EXOC4: variants seen among roughly 807,000 people sequenced by gnomAD.
EXOC4 encodes the protein SEC8-like 1.
A neutral mutation model predicts 107.2 loss-of-function variants in EXOC4; 71 were observed. The ratio of observed to expected loss-of-function variants is 0.66; its 90% CI spans 0.55 to 0.81. The LOEUF is 0.81. Ranked by LOEUF, EXOC4 falls within the 30% of genes least tolerant of loss-of-function variation. The probability of loss-of-function intolerance (pLI) is 0.00; values close to 1 mark genes in which losing one functional copy is unlikely to be tolerated. For missense variants in EXOC4, 1,108 were observed against 1,189.6 expected, an observed-to-expected ratio of 0.93 and a Z score of 1.01; for synonymous variants, 456 against 441.2, an observed-to-expected ratio of 1.03 and a Z score of -0.42.
chr7:133,819,489 G>A (rs2151218748), intron 11 of EXOC4, among the ~76,000 whole-genome samples: 1 of 151,536 alleles, frequency 6.6e-6, no homozygotes, highest in East Asian at 1.9e-4. Context: ...TAACTTACTG[G>A]ATGAATGCAT....
At chr7:133,621,977 G>A (rs78865496) in intron 9 of EXOC4, among the ~76,000 whole-genome samples, 1 of 136,784 alleles carries the variant, frequency 7.3e-6, no homozygotes, top group Non-Finnish European at 1.6e-5. Context: ...CTGTCTGTCT[G>A]TCCATCCATC....
chr7:133,330,857 C>T (rs539653686), intron 5 of EXOC4, among the ~76,000 whole-genome samples: 8 of 152,054 alleles, frequency 5.3e-5, no homozygotes, highest in Non-Finnish European at 1.0e-4. Flanking sequence ...TCTTCTGCGT[C>T]GATCTCACTG....
At chr7:133,464,087 A>G (rs1033680537) in intron 7 of EXOC4, among the ~76,000 whole-genome samples, 10 of 152,202 alleles carry the variant, frequency 6.6e-5, no homozygotes, top group Admixed American at 6.5e-4. Context: ...CCTTATCCTG[A>G]TAGATAATAA....
chr7:133,745,523 T>C (rs1391985241), intron 10 of EXOC4, among the ~76,000 whole-genome samples: 1 of 152,064 alleles, frequency 6.6e-6, no homozygotes. Flanking sequence ...AAAAACTTAT[T>C]AAATTATGTC....
At chr7:133,487,871 A>G (rs930466648) in intron 9 of EXOC4, among the ~76,000 whole-genome samples, 1 of 152,192 alleles carries the variant, frequency 6.6e-6, no homozygotes, top group South Asian at 2.1e-4. Context: ...GGTAAAAATA[A>G]CAGCTTTGCT....
intron 9 of EXOC4, among the ~76,000 whole-genome samples, chr7:133,535,931 C>A (rs1455684917): frequency 6.6e-6 from 1 of 152,216 alleles, no homozygotes; most frequent in Admixed American, 6.5e-5. Flanking sequence ...GCAGTGCTAA[C>A]ACATTTGTTT....
chr7:133,329,809 A>G (rs1183260241), intron 5 of EXOC4, among the ~76,000 whole-genome samples: 5 of 152,132 alleles, frequency 3.3e-5, no homozygotes, highest in African/African-American at 1.2e-4. Context: ...TTCATCTCAG[A>G]GGGGCACCAG....
intron 10 of EXOC4, chr7:133,732,992 A>G (rs1795360718): frequency 6.1e-6 from 1 of 163,234 alleles, no homozygotes; most frequent in African/African-American, 2.4e-5. Context: ...CATGAAAGTT[A>G]GGCAGTTTTT....
intron 9 of EXOC4, among the ~76,000 whole-genome samples, chr7:133,526,601 T>C (rs1800082989): frequency 6.6e-6 from 1 of 152,206 alleles, no homozygotes; most frequent in Non-Finnish European, 1.5e-5. Flanking sequence ...CGCAAAGGCA[T>C]TTCATGTCCC....
intron 9 of EXOC4, among the ~76,000 whole-genome samples, chr7:133,626,364 T>C (rs892109301): frequency 2.0e-5 from 3 of 152,232 alleles, no homozygotes; most frequent in African/African-American, 7.2e-5. Flanking sequence ...CCGTGACCTT[T>C]ACTTTTGTTT....
chr7:133,368,333 A>C (rs374299406), intron 6 of EXOC4, among the ~76,000 whole-genome samples: 1 of 152,182 alleles, frequency 6.6e-6, no homozygotes, highest in Admixed American at 6.5e-5. Flanking sequence ...AACTTAATCA[A>C]AGAGGGGCTT....
At chr7:133,832,262 T>A (rs752191174) in intron 11 of EXOC4, among the ~76,000 whole-genome samples, 2 of 152,230 alleles carry the variant, frequency 1.3e-5, no homozygotes, top group Non-Finnish European at 2.9e-5. Context: ...GTTAGACGGT[T>A]TTGTCACATT....
intron 7 of EXOC4, among the ~76,000 whole-genome samples, chr7:133,429,837 T>A (rs976896475): frequency 6.6e-6 from 1 of 152,228 alleles, no homozygotes; most frequent in African/African-American, 2.4e-5. Context: ...GACCCCCTCA[T>A]GGGACTTGTG....
intron 7 of EXOC4, among the ~76,000 whole-genome samples, chr7:133,394,603 A>T (rs1195263497): frequency 1.3e-5 from 2 of 152,182 alleles, no homozygotes; most frequent in South Asian, 2.1e-4. Flanking sequence ...TTGAGGTGCT[A>T]TAGAAATGTA....
chr7:133,665,743 A>G (rs1793796052), intron 10 of EXOC4, among the ~76,000 whole-genome samples: 3 of 152,190 alleles, frequency 2.0e-5, no homozygotes, highest in Admixed American at 6.6e-5. Context: ...TTGTGACAAT[A>G]TAAAACCCTG....
intron 9 of EXOC4, among the ~76,000 whole-genome samples, chr7:133,611,868 A>G (rs1019762353): frequency 5.9e-5 from 9 of 152,202 alleles, no homozygotes; most frequent in African/African-American, 2.2e-4. Context: ...TTCATAACAC[A>G]GAAGACAATT....
intron 9 of EXOC4, among the ~76,000 whole-genome samples, chr7:133,519,266 T>C (rs1799938062): frequency 6.6e-6 from 1 of 152,018 alleles, no homozygotes; most frequent in East Asian, 1.9e-4. Context: ...AATACAAAAA[T>C]TAGCTTGGCG....
chr7:133,660,403 T>G (rs1279470665), intron 10 of EXOC4, among the ~76,000 whole-genome samples: 2 of 151,594 alleles, frequency 1.3e-5, no homozygotes, highest in Non-Finnish European at 2.9e-5. Context: ...GCTGCAGGAG[T>G]TTTAAAACAG....
At position 133,836,021 on chromosome 7, in the gene EXOC4, A is replaced by G. The variant is rs191946983; in HGVS notation, c.1734+18477A>G. On this transcript the variant is annotated intron_variant, in intron 11 of 17. Transcript: ENST00000253861. The stretch of plus-strand genomic sequence containing the variant: ...TACCTCAATTAGTAGCAAAAATTCT[A>G]TGCTTATTTCAATTCTGTTTCCTTA... Among the ~76,000 whole-genome samples the G allele has an allele frequency of 2.7e-4, 41 of 152,308 alleles. No homozygotes were observed. In the East Asian group the frequency reaches 5.8e-3, roughly 21 times the overall value.
Sources: allele counts gnomAD v4.1 joint callset (sites outside exome capture counted in the v4.1 genomes callset), GRCh38; gene constraint gnomAD v4.1.1; transcripts MANE v1.5; gene names NCBI Gene and HGNC (gene_info 2026-07-23, HGNC 2026-07-21).